Variants in SPATA3 observed in about 807,000 individuals in gnomAD.
SPATA3 encodes the protein spermatogenesis associated 3.
In SPATA3, 6 loss-of-function variants were observed where a neutral mutation model predicts 5.7. That is an observed-to-expected ratio of 1.06 (90% CI 0.58 to 2.09). SPATA3 has a LOEUF of 2.09. SPATA3 is among the 30% of genes most tolerant of loss of function. The pLI, the probability that SPATA3 is intolerant of heterozygous loss-of-function variation, is 0.00. For missense variants in SPATA3, 155 were observed against 130.4 expected, an observed-to-expected ratio of 1.19 and a Z score of -0.92; for synonymous variants, 44 against 48.4, an observed-to-expected ratio of 0.91 and a Z score of 0.37.
exon 3 of SPATA3, chr2:231,002,717 C>A (rs369343747): frequency 2.0e-6 from 3 of 1,530,926 alleles, no homozygotes; most frequent in Non-Finnish European, 2.6e-6. Flanking sequence ...GTCATCGTAA[C>A]GCGTGTCCTC....
intron 1 of SPATA3, among the ~76,000 whole-genome samples, chr2:230,997,196 C>T (rs973211112): frequency 1.2e-4 from 19 of 152,136 alleles, no homozygotes; most frequent in South Asian, 2.1e-4. Context: ...GATTGAATCA[C>T]GGGGGAGGGT....
chr2:230,997,625 C>A (rs1692176974), intron 1 of SPATA3, among the ~76,000 whole-genome samples: 1 of 152,172 alleles, frequency 6.6e-6, no homozygotes, highest in Admixed American at 6.5e-5. Context: ...GACAGAAAGC[C>A]TTCGGCTCAA....
intron 1 of SPATA3, among the ~76,000 whole-genome samples, chr2:230,997,754 G>A (rs1430498231): frequency 3.9e-5 from 6 of 152,200 alleles, no homozygotes; most frequent in African/African-American, 1.4e-4. Context: ...TGTGTAGAGG[G>A]AATTCAAGTG....
At chr2:231,013,703 T>TAGAC (rs1381318736) in intron 5 of SPATA3, among the ~76,000 whole-genome samples, 2 of 152,228 alleles carry the variant, frequency 1.3e-5, no homozygotes, top group Non-Finnish European at 2.9e-5. Flanking sequence ...TTGGTCAGTC[T>TAGAC]GGTCTTGGAC....
At chr2:231,010,341 A>G (rs536675767), downstream of SPATA3, among the ~76,000 whole-genome samples, 18 of 152,344 alleles carry the variant, frequency 1.2e-4, no homozygotes, top group African/African-American at 4.3e-4. Context: ...CTAATAGACT[A>G]TGTGGGGAAC....
downstream of SPATA3, among the ~76,000 whole-genome samples, chr2:231,003,576 A>G (rs59223287): frequency 0.36 from 55,150 of 152,008 alleles, 10,175 homozygotes; most frequent in South Asian, 0.46. Flanking sequence ...GAGGGGAGAG[A>G]CTTGCCCTCT....
downstream of SPATA3, among the ~76,000 whole-genome samples, chr2:231,004,615 C>T (rs1243518144): frequency 2.6e-5 from 4 of 152,142 alleles, no homozygotes; most frequent in Non-Finnish European, 5.9e-5. Context: ...CCACTGGCAA[C>T]ATGACAAATG....
At chr2:231,012,781 G>C (rs937761375) in intron 5 of SPATA3, 1 of 152,096 alleles carries the variant, frequency 6.6e-6, no homozygotes, top group East Asian at 1.9e-4. Context: ...TTTAGTGATC[G>C]GTGTTTCATA....
chr2:231,017,182 C>T (rs1447780804), intron 6 of SPATA3, among the ~76,000 whole-genome samples: 1 of 152,194 alleles, frequency 6.6e-6, no homozygotes, highest in Non-Finnish European at 1.5e-5. Context: ...AACCTAGCTC[C>T]ATCTGGCTTA....
chr2:231,010,320 C>A (rs145710923), downstream of SPATA3, among the ~76,000 whole-genome samples: 2 of 152,314 alleles, frequency 1.3e-5, no homozygotes, highest in East Asian at 1.9e-4. Context: ...ACAAAAGGGT[C>A]GGATCTAATG....
chr2:231,017,205 A>G (rs1158933232), intron 6 of SPATA3, among the ~76,000 whole-genome samples: 1 of 152,200 alleles, frequency 6.6e-6, no homozygotes, highest in East Asian at 1.9e-4. Context: ...CAATAGGGGA[A>G]CTTAATGGTT....
chr2:231,009,634 GA>G (rs1692732218), downstream of SPATA3, among the ~76,000 whole-genome samples: 1 of 152,202 alleles, frequency 6.6e-6, no homozygotes. Context: ...GGGCCATAGG[GA>G]TCCCTCTTGA....
At chr2:231,005,906 G>A (rs1269322125), downstream of SPATA3, among the ~76,000 whole-genome samples, 8 of 150,372 alleles carry the variant, frequency 5.3e-5, no homozygotes, top group Non-Finnish European at 1.2e-4. Context: ...GCTCAAACCT[G>A]TAATCCTAGA....
intron 1 of SPATA3, among the ~76,000 whole-genome samples, chr2:230,998,066 C>T (rs1365837193): frequency 6.6e-6 from 1 of 152,132 alleles, no homozygotes; most frequent in African/African-American, 2.4e-5. Flanking sequence ...TTCCAAGAGG[C>T]CTAGGAGTCT....
downstream of SPATA3, among the ~76,000 whole-genome samples, chr2:231,011,263 C>G (rs1264631268): frequency 1.3e-5 from 2 of 152,008 alleles, no homozygotes; most frequent in Non-Finnish European, 2.9e-5. Context: ...TACAAGCATA[C>G]GCCACCACAT....
chr2:231,005,376 CCATCACCACCACCAT>C (rs1559197759), downstream of SPATA3, among the ~76,000 whole-genome samples: 1 of 72,560 alleles, frequency 1.4e-5, no homozygotes, highest in Non-Finnish European at 2.9e-5. Context: ...ATCATCACCA[CCATCACCACCACCAT>C]CATCACCACC....
At chr2:231,012,401 C>T (rs962137330) in intron 4 of SPATA3, among the ~76,000 whole-genome samples, 6 of 152,266 alleles carry the variant, frequency 3.9e-5, no homozygotes, top group Admixed American at 6.5e-5. Context: ...TCCTTTAAAC[C>T]TTTCTCCTCC....
chr2:231,002,773 G>T, exon 3 of SPATA3: 1 of 1,517,526 alleles, frequency 6.6e-7, no homozygotes, highest in South Asian at 1.3e-5. Flanking sequence ...TCTAGGAGCT[G>T]CCTACTACAT....
At position 231,019,826 on chromosome 2, in the gene SPATA3, C is replaced by T. The variant is rs1235747452; in HGVS notation, c.*672C>T. ...CTACTATCATTACCTCTATTGGGAC[C>T]CAGAAACCAATACCCCAAAATATGG... On this transcript the variant is annotated 3_prime_UTR_variant, in exon 7 of 9. Coordinates refer to the SPATA3 transcript ENST00000452881. 2 of 150,702 alleles carry T rather than the reference C, an allele frequency of 1.3e-5. 1 individual carries two copies. The highest frequency in any genetic ancestry group is 3.0e-5 in the Non-Finnish European group (2 of 67,650). The allele number at this position is 150,702 out of a possible 1,614,324, so 9.3% of individuals were successfully genotyped here.
Sources: allele counts gnomAD v4.1 joint callset (sites outside exome capture counted in the v4.1 genomes callset), GRCh38; gene constraint gnomAD v4.1.1; transcripts MANE v1.5; gene names NCBI Gene and HGNC (gene_info 2026-07-23, HGNC 2026-07-21).